DPP6: variants seen among roughly 807,000 people sequenced by gnomAD.
The protein encoded by DPP6 is dipeptidyl peptidase like 6.
DPP6 carries 69 observed loss-of-function variants against 122.6 expected under a neutral mutation model. The ratio of observed to expected loss-of-function variants is 0.56; its 90% confidence interval spans 0.46 to 0.69. DPP6 has a LOEUF of 0.69. DPP6 is among the 30% of genes least tolerant of loss of function. DPP6 has a pLI of 0.00. For missense variants in DPP6, 928 were observed against 1,116.9 expected, an observed-to-expected ratio of 0.83 and a Z score of 2.41; for synonymous variants, 418 against 433.1, an observed-to-expected ratio of 0.97 and a Z score of 0.43.
intron 6 of DPP6, among the ~76,000 whole-genome samples, chr7:154,639,392 G>A (rs73165051): frequency 0.057 from 8,670 of 152,182 alleles, 306 homozygotes; most frequent in Non-Finnish European, 0.074. Context: ...TCTTTCCCAA[G>A]CAGATATATA....
At position 154,718,951 on chromosome 7, in the gene DPP6, C is replaced by A. The variant is rs116734919; in HGVS notation, c.763-8816C>A. ...TCTTTATCTCTCTGCCTTTGGGTCACATCTAGGAAATGATTCATCCCCCCA... is the reference window on the plus strand; with the variant it reads ...TCTTTATCTCTCTGCCTTTGGGTCAAATCTAGGAAATGATTCATCCCCCCA... On this transcript the variant is annotated intron_variant, in intron 7 of 25. Transcript: ENST00000377770. Among the ~76,000 whole-genome samples, 255 of 152,262 alleles carry A rather than the reference C, an allele frequency of 1.7e-3. 2 individuals are homozygous for A. Among genetic ancestry groups the A allele is most frequent in the African/African-American group, 5.7e-3 (235 of 41,540 alleles).
chr7:154,024,773 G>A (rs2129053076), intron 1 of DPP6, among the ~76,000 whole-genome samples: 1 of 152,372 alleles, frequency 6.6e-6, no homozygotes, highest in South Asian at 2.1e-4. Flanking sequence ...CTCCCCGTGA[G>A]TGTGAGATCT....
the DPP6 span, among the ~76,000 whole-genome samples, chr7:153,769,210 A>T: frequency 6.6e-6 from 1 of 152,188 alleles, no homozygotes; most frequent in East Asian, 1.9e-4. Flanking sequence ...AAATGATAAC[A>T]GTTATATCTT....
intron 5 of DPP6, among the ~76,000 whole-genome samples, chr7:154,630,731 C>A (rs1052973060): frequency 6.6e-5 from 10 of 151,968 alleles, no homozygotes; most frequent in Non-Finnish European, 1.2e-4. Context: ...GGGAGTTGAA[C>A]AATAAGAACA....
At chr7:154,366,397 T>C (rs921629720) in intron 1 of DPP6, among the ~76,000 whole-genome samples, 1 of 152,254 alleles carries the variant, frequency 6.6e-6, no homozygotes, top group Non-Finnish European at 1.5e-5. Context: ...ACCTTGAGGT[T>C]GACCGGATGC....
chr7:153,842,437 CT>C, the DPP6 span, among the ~76,000 whole-genome samples: 2 of 151,874 alleles, frequency 1.3e-5, no homozygotes, highest in African/African-American at 2.4e-5. Flanking sequence ...ATAGGTTTTT[CT>C]TTTTTTGTGT....
At chr7:154,169,261 G>A (rs1797413774) in intron 1 of DPP6, among the ~76,000 whole-genome samples, 1 of 152,104 alleles carries the variant, frequency 6.6e-6, no homozygotes, top group Admixed American at 6.6e-5. Flanking sequence ...GCCCATCCTT[G>A]AAGCAATCCC....
chr7:154,556,437 G>A (rs1586620484), intron 4 of DPP6, among the ~76,000 whole-genome samples: 1 of 152,190 alleles, frequency 6.6e-6, no homozygotes, highest in Admixed American at 6.5e-5. Context: ...TTTGACATGA[G>A]AAACACTAGG....
intron 1 of DPP6, among the ~76,000 whole-genome samples, chr7:154,179,314 A>G (rs1201169615): frequency 6.6e-6 from 1 of 152,162 alleles, no homozygotes; most frequent in Non-Finnish European, 1.5e-5. Flanking sequence ...CAAAGGACAA[A>G]ATGAGAGTCC....
intron 7 of DPP6, among the ~76,000 whole-genome samples, chr7:154,711,949 C>CACACACACAACAA (rs765511171): frequency 6.6e-6 from 1 of 151,094 alleles, no homozygotes; most frequent in Non-Finnish European, 1.5e-5. Flanking sequence ...TACACACACA[C>CACACACACAACAA]ACACACACAC....
chr7:154,198,431 C>T (rs1798986962), intron 1 of DPP6, among the ~76,000 whole-genome samples: 1 of 152,104 alleles, frequency 6.6e-6, no homozygotes, highest in African/African-American at 2.4e-5. Context: ...CGTGCCTCAG[C>T]CTCCCAAGTA....
chr7:154,080,476 T>G lies in DPP6; in HGVS notation c.243+27413T>G, dbSNP rs117223392. On this transcript the variant is annotated intron_variant, in intron 1 of 25. Coordinates refer to ENST00000377770, the MANE Select transcript of DPP6 (RefSeq NM_130797.4). ...ATCCTGCCCTTAGACCAAAGCGACC[T>G]TGATGTTATTGCACAAATTACAGGC... Among the ~76,000 whole-genome samples the G allele has an allele frequency of 8.9e-3, 1,361 of 152,330 alleles. 15 individuals are homozygous for G. Among genetic ancestry groups the G allele is most frequent in the Non-Finnish European group, 0.015 (1,028 of 68,034 alleles).
chr7:154,071,025 A>G (rs376730830), intron 1 of DPP6, among the ~76,000 whole-genome samples: 1 of 152,182 alleles, frequency 6.6e-6, no homozygotes, highest in Non-Finnish European at 1.5e-5. Context: ...ATGTATGTGC[A>G]TGCATGCTAT....
At chr7:154,795,351 C>G (rs1241102482) in intron 11 of DPP6, among the ~76,000 whole-genome samples, 2 of 152,176 alleles carry the variant, frequency 1.3e-5, no homozygotes, top group Non-Finnish European at 2.9e-5. Context: ...TTGCACCTTT[C>G]CATAGACCAC....
At chr7:154,221,921 G>A (rs1278751086) in intron 1 of DPP6, among the ~76,000 whole-genome samples, 1 of 151,808 alleles carries the variant, frequency 6.6e-6, no homozygotes, top group African/African-American at 2.4e-5. Flanking sequence ...ATGGTAAATT[G>A]AAAATTTAAT....
intron 1 of DPP6, among the ~76,000 whole-genome samples, chr7:154,357,696 C>G: frequency 6.6e-6 from 1 of 152,146 alleles, no homozygotes; most frequent in Non-Finnish European, 1.5e-5. Flanking sequence ...TAATCCAACA[C>G]TTTGGGAGGC....
In DPP6 at chr7:154,030,795, C is replaced by T. The variant is rs147871315; in HGVS notation, c.51+143061C>T. Among the ~76,000 whole-genome samples the T allele has an allele frequency of 2.0e-4, 30 of 152,284 alleles. No homozygotes were observed. The East Asian group carries it at 5.6e-3, about 28-fold the overall frequency. On this transcript the variant is annotated intron_variant, in intron 1 of 25. Transcript: ENST00000404039. ...CCCCCAGAAGTCCCTGGTGACCACTCACACAGCCTGATCTGCTGCCAACAT... is the reference window on the plus strand; with the variant it reads ...CCCCCAGAAGTCCCTGGTGACCACTTACACAGCCTGATCTGCTGCCAACAT...
the DPP6 span, among the ~76,000 whole-genome samples, chr7:153,761,662 A>C: frequency 6.6e-6 from 1 of 152,136 alleles, no homozygotes. Flanking sequence ...AAAATCAAGA[A>C]ATGTTTTCAA....
intron 1 of DPP6, among the ~76,000 whole-genome samples, chr7:154,296,886 T>A (rs1478845513): frequency 6.6e-6 from 1 of 152,210 alleles, no homozygotes; most frequent in Non-Finnish European, 1.5e-5. Context: ...TTGGAGAGGA[T>A]GCAGCTAGGG....
Sources: gnomAD v4.1 joint callset for allele counts (sites outside exome capture counted in the v4.1 genomes callset) on GRCh38, gnomAD v4.1.1 for gene constraint, MANE v1.5 for transcripts, NCBI Gene and HGNC (gene_info 2026-07-23, HGNC 2026-07-21) for gene names.